PARM1: variants seen among roughly 807,000 people sequenced by gnomAD.
PARM1 encodes prostate androgen-regulated mucin-like protein 1, also known as WSC4, cell wall integrity and stress response component 4 homolog.
PARM1 carries 14 observed loss-of-function variants against 24.6 expected under a neutral mutation model. The observed-to-expected ratio is 0.57, with a 90% CI of 0.38 to 0.89. The LOEUF (loss-of-function observed/expected upper bound fraction) is 0.89. Among genes scored for constraint, PARM1 ranks in the 40% least tolerant of loss-of-function variants. The pLI is 0.00. For missense variants in PARM1, 362 were observed against 380.4 expected, an observed-to-expected ratio of 0.95 and a Z score of 0.40; for synonymous variants, 179 against 156.6, an observed-to-expected ratio of 1.14 and a Z score of -1.07.
intron 3 of PARM1, among the ~76,000 whole-genome samples, chr4:75,038,650 C>G (rs73828414): frequency 1.4e-4 from 22 of 152,338 alleles, no homozygotes; most frequent in African/African-American, 5.1e-4. Context: ...ATCCATGTTA[C>G]ACATTTATAA....
At chr4:75,039,974 G>A (rs1723448854) in intron 3 of PARM1, among the ~76,000 whole-genome samples, 1 of 152,188 alleles carries the variant, frequency 6.6e-6, no homozygotes, top group Non-Finnish European at 1.5e-5. Flanking sequence ...TCCTTGCTGT[G>A]CATGCTTCCC....
intron 1 of PARM1, among the ~76,000 whole-genome samples, chr4:74,947,710 T>G (rs1053971082): frequency 4.6e-5 from 7 of 152,216 alleles, no homozygotes; most frequent in Non-Finnish European, 1.0e-4. Context: ...GGGAATATTA[T>G]AGGAAAAATG....
At chr4:74,953,544 C>T (rs1721571886) in intron 1 of PARM1, among the ~76,000 whole-genome samples, 1 of 152,072 alleles carries the variant, frequency 6.6e-6, no homozygotes, top group Admixed American at 6.6e-5. Context: ...GCCCAGGAGG[C>T]TAGGAGTAAA....
At chr4:75,032,758 A>G (rs1466157859) in intron 2 of PARM1, among the ~76,000 whole-genome samples, 1 of 152,122 alleles carries the variant, frequency 6.6e-6, no homozygotes, top group Non-Finnish European at 1.5e-5. Flanking sequence ...GTTGAACCAC[A>G]CTCGAATCCA....
intron 1 of PARM1, among the ~76,000 whole-genome samples, chr4:75,000,207 C>G (rs1436895115): frequency 6.6e-6 from 1 of 152,152 alleles, no homozygotes; most frequent in African/African-American, 2.4e-5. Context: ...CCTTTGGGCC[C>G]AGGTTCCAAT....
intron 2 of PARM1, among the ~76,000 whole-genome samples, chr4:75,032,274 G>A (rs1289200231): frequency 2.0e-5 from 3 of 151,888 alleles, no homozygotes; most frequent in Non-Finnish European, 2.9e-5. Context: ...ATTTTTTTTG[G>A]TCTCTCTTTT....
At chr4:75,000,426 T>A (rs566602307) in intron 1 of PARM1, among the ~76,000 whole-genome samples, 3 of 152,036 alleles carry the variant, frequency 2.0e-5, no homozygotes, top group Non-Finnish European at 4.4e-5. Context: ...ATCAACAATA[T>A]CATCAAGGAG....
intron 3 of PARM1, among the ~76,000 whole-genome samples, chr4:75,038,557 C>T (rs974144668): frequency 6.6e-6 from 1 of 152,174 alleles, no homozygotes; most frequent in African/African-American, 2.4e-5. Flanking sequence ...AGCTCATTTC[C>T]TAATTGAATA....
At chr4:74,936,826 C>G (rs1037527210) in intron 1 of PARM1, among the ~76,000 whole-genome samples, 10 of 152,068 alleles carry the variant, frequency 6.6e-5, no homozygotes, top group Non-Finnish European at 5.9e-5. Context: ...TTAGAACTTT[C>G]AAAGGCATTT....
intron 1 of PARM1, among the ~76,000 whole-genome samples, chr4:74,945,036 C>A (rs879525069): frequency 2.0e-5 from 3 of 152,138 alleles, no homozygotes; most frequent in African/African-American, 7.2e-5. Context: ...ATTCAACATT[C>A]ATACTGGGCA....
At chr4:75,029,406 AC>A (rs143917675) in intron 2 of PARM1, among the ~76,000 whole-genome samples, 1,868 of 152,126 alleles carry the variant, frequency 0.012, 45 homozygotes, top group African/African-American at 0.043. Flanking sequence ...CATGGGAGGG[AC>A]CCAGTGGGAG....
chr4:75,035,147 T>C (rs959129960), intron 3 of PARM1, among the ~76,000 whole-genome samples: 10 of 152,216 alleles, frequency 6.6e-5, no homozygotes, highest in Admixed American at 6.5e-4. Context: ...TTGAGAGATG[T>C]CCTTTCCAGT....
At chr4:75,013,624 T>C (rs1462121653) in intron 2 of PARM1, among the ~76,000 whole-genome samples, 1 of 152,238 alleles carries the variant, frequency 6.6e-6, no homozygotes, top group African/African-American at 2.4e-5. Flanking sequence ...GAGTAAATGC[T>C]CAGGAAATGT....
intron 2 of PARM1, among the ~76,000 whole-genome samples, chr4:75,024,074 A>G (rs1387909883): frequency 6.6e-6 from 1 of 152,096 alleles, no homozygotes; most frequent in Non-Finnish European, 1.5e-5. Flanking sequence ...GATCAAGACC[A>G]TCCTGGCTAA....
Position 75,048,181 on chromosome 4 carries a change from C to A in PARM1, c.*1934C>A, listed in dbSNP as rs1723646838. 6.6e-6 allele frequency: 1 copy of A among 152,124 alleles called. No homozygotes were observed. The highest frequency in any genetic ancestry group is 2.4e-5 in the African/African-American group (1 of 41,396). The allele number at this position is 152,124 out of a possible 1,614,324, so 9.4% of individuals were successfully genotyped here. ...GAGACAGTAGGGGCAGTGCCACTTT[C>A]TACAACCTGCCAACCCACACACTGG... On this transcript the variant is annotated 3_prime_UTR_variant, in exon 4 of 4. Transcript: ENST00000307428.
chr4:75,012,292 G>C (rs1037897017), intron 1 of PARM1, 133 bp from the exon 2 acceptor site: 25 of 951,504 alleles, frequency 2.6e-5, no homozygotes, highest in Non-Finnish European at 3.2e-5. Context: ...CTTCACAACT[G>C]GGGAGGGCAC....
At chr4:74,949,533 C>T (rs1480829384) in intron 1 of PARM1, among the ~76,000 whole-genome samples, 1 of 152,188 alleles carries the variant, frequency 6.6e-6, no homozygotes, top group African/African-American at 2.4e-5. Context: ...AGGATGGTCT[C>T]GATCTCCTGA....
intron 1 of PARM1, chr4:74,998,924 C>T (rs1235159832): frequency 6.6e-6 from 1 of 152,274 alleles, no homozygotes; most frequent in African/African-American, 2.4e-5. Flanking sequence ...TAGGTCCTGT[C>T]TACATTGTGG....
intron 1 of PARM1, among the ~76,000 whole-genome samples, chr4:74,959,924 G>T (rs769617957): frequency 6.6e-6 from 1 of 152,136 alleles, no homozygotes; most frequent in South Asian, 2.1e-4. Flanking sequence ...AATCTGTCTG[G>T]TCTATTTTGG....
Sources: allele counts gnomAD v4.1 joint callset (sites outside exome capture counted in the v4.1 genomes callset), GRCh38; gene constraint gnomAD v4.1.1; transcripts MANE v1.5; gene names NCBI Gene and HGNC (gene_info 2026-07-23, HGNC 2026-07-21).